KPNA6: variants seen among roughly 807,000 people sequenced by gnomAD.
KPNA6 encodes the protein karyopherin subunit alpha 6, also known as importin subunit alpha-7.
KPNA6 carries 9 observed loss-of-function variants against 72.0 expected under a neutral mutation model. The observed-to-expected ratio is 0.13, with a 90% confidence interval of 0.08 to 0.22. The LOEUF (loss-of-function observed/expected upper bound fraction) is 0.22. Among genes scored for constraint, KPNA6 ranks in the 10% least tolerant of loss-of-function variants. The probability of loss-of-function intolerance (pLI) is 1.00; values close to 1 mark genes in which losing one functional copy is unlikely to be tolerated. For missense variants in KPNA6, 374 were observed against 655.7 expected (o/e 0.57, Z 4.69); for synonymous variants, 219 against 242.1 (o/e 0.90, Z 0.89).
intron 1 of KPNA6, among the ~76,000 whole-genome samples, chr1:32,128,597 A>C (rs1272141046): frequency 6.6e-6 from 1 of 151,676 alleles, no homozygotes; most frequent in African/African-American, 2.4e-5. Flanking sequence ...AGCCCAGTTC[A>C]GTGAAGATGC....
At chr1:32,124,032 CAAAAAAAAAAA>C (rs771086945) in intron 1 of KPNA6, among the ~76,000 whole-genome samples, 2 of 43,126 alleles carry the variant, frequency 4.6e-5, no homozygotes, top group African/African-American at 1.8e-4. Flanking sequence ...GACTCTGTCT[CAAAAAAAAAAA>C]AAAAAAAAAA....
intron 1 of KPNA6, among the ~76,000 whole-genome samples, chr1:32,143,370 TA>T (rs931930874): frequency 2.2e-4 from 33 of 147,160 alleles, no homozygotes; most frequent in African/African-American, 4.2e-4. Flanking sequence ...CAATGCCGAT[TA>T]AAAAAAAAAA....
chr1:32,125,817 A>G (rs1040413588), intron 1 of KPNA6, among the ~76,000 whole-genome samples: 15 of 151,916 alleles, frequency 9.9e-5, no homozygotes, highest in Admixed American at 9.2e-4. Context: ...TAACACCTCC[A>G]GTGAGGTTTG....
intron 2 of KPNA6, among the ~76,000 whole-genome samples, chr1:32,156,463 AC>A (rs1642144731): frequency 6.6e-6 from 1 of 152,160 alleles, no homozygotes; most frequent in African/African-American, 2.4e-5. Flanking sequence ...AGCAATTGCC[AC>A]CTGATAACCA....
intron 4 of KPNA6, among the ~76,000 whole-genome samples, chr1:32,157,869 A>G (rs574542195): frequency 6.6e-6 from 1 of 152,314 alleles, no homozygotes; most frequent in African/African-American, 2.4e-5. Flanking sequence ...TAGGTACTTA[A>G]TAAAAAAATT....
At chr1:32,167,399 G>C in intron 12 of KPNA6, 103 bp downstream of exon 12, 1 of 1,320,742 alleles carries the variant, frequency 7.6e-7, no homozygotes, top group Non-Finnish European at 1.1e-6. Flanking sequence ...AGACAGGTCT[G>C]CCCCCTAGTC....
intron 1 of KPNA6, among the ~76,000 whole-genome samples, chr1:32,151,265 C>G (rs2124047931): frequency 6.6e-6 from 1 of 152,042 alleles, no homozygotes; most frequent in South Asian, 2.1e-4. Context: ...TAGTTTAATC[C>G]CACTACTAAG....
chr1:32,131,135 A>G (rs1641628783), intron 1 of KPNA6, among the ~76,000 whole-genome samples: 1 of 152,178 alleles, frequency 6.6e-6, no homozygotes, highest in African/African-American at 2.4e-5. Context: ...CTCTACTAAA[A>G]ATACAGAAAT....
intron 12 of KPNA6, among the ~76,000 whole-genome samples, chr1:32,168,942 A>G (rs764403666): frequency 6.6e-6 from 1 of 152,204 alleles, no homozygotes; most frequent in Non-Finnish European, 1.5e-5. Flanking sequence ...TATTGCAGCC[A>G]AGGAGACATT....
chr1:32,159,558 T>TTA (rs2124073001), intron 6 of KPNA6, 27 bp downstream of exon 6: 2 of 1,608,648 alleles, frequency 1.2e-6, no homozygotes, highest in Non-Finnish European at 1.7e-6. Context: ...GTGTGATTCT[T>TTA]TATAGTACCT....
intron 10 of KPNA6, among the ~76,000 whole-genome samples, chr1:32,164,676 G>T (rs1642299632): frequency 6.8e-6 from 1 of 147,180 alleles, no homozygotes; most frequent in Admixed American, 6.8e-5. Context: ...TATGCTTATT[G>T]GCCATCTGTG....
chr1:32,154,714 A>G lies in KPNA6; in HGVS notation c.131A>G (p.Glu44Gly). The G allele has an allele frequency of 6.2e-7, 1 of 1,614,058 alleles. No homozygotes were observed. Among genetic ancestry groups the G allele is most frequent in the Non-Finnish European group, 8.5e-7 (1 of 1,179,972 alleles). The change falls in exon 2 of 14, where the codon GAG becomes GGG. Residue 44 changes from glutamate to glycine, a missense_variant. Transcript: ENST00000373625. ...ATTCAGCTCCGGAAGCAGAAGCGAG[A>G]GCAACAAGTGAGTTAATGGGAGTAT... ...EGIQLRKQKR[E>G]QQLFKRRNVE...
chr1:32,167,363 A>G, intron 12 of KPNA6, 67 bp downstream of exon 12: 1 of 1,597,166 alleles, frequency 6.3e-7, no homozygotes. Flanking sequence ...CATGGTTTAC[A>G]GGTGACCTAT....
intron 1 of KPNA6, among the ~76,000 whole-genome samples, chr1:32,144,146 A>G (rs1641890934): frequency 6.6e-6 from 1 of 152,218 alleles, no homozygotes; most frequent in Admixed American, 6.5e-5. Flanking sequence ...ACATAACAAT[A>G]TGCCAGCATC....
In KPNA6 at chr1:32,154,565, G is replaced by T; in HGVS notation, c.5-23G>T. 1.9e-6 allele frequency: 3 copies of T among 1,608,248 alleles called. No homozygotes were observed. In the South Asian group the frequency reaches 3.3e-5, roughly 18 times the overall value. On this transcript the variant is annotated intron_variant, in intron 1 of 13. Coordinates refer to ENST00000373625, the MANE Select transcript of KPNA6 (RefSeq NM_012316.5). ...AATGCTGTCCTCTCAAGAGTTTTTG[G>T]CAGTGTGTATCTTTTCTTCTAGAGA... is the stretch of plus-strand genomic sequence containing the variant.
At chr1:32,132,571 GCCA>G (rs1020219335) in intron 1 of KPNA6, among the ~76,000 whole-genome samples, 12 of 151,874 alleles carry the variant, frequency 7.9e-5, no homozygotes, top group Non-Finnish European at 1.3e-4. Flanking sequence ...ACAGGCGTGA[GCCA>G]CCATTTCCAG....
intron 1 of KPNA6, among the ~76,000 whole-genome samples, chr1:32,120,804 G>A (rs1273399619): frequency 6.6e-6 from 1 of 151,644 alleles, no homozygotes; most frequent in East Asian, 1.9e-4. Context: ...CTGACCTCAG[G>A]TGATCCTCCC....
rs949711807 is a variant in KPNA6 at position 32,174,349 on chromosome 1, A to G, written c.*3455A>G. On this transcript the variant is annotated 3_prime_UTR_variant, in exon 14 of 14. Transcript: ENST00000373625. The stretch of plus-strand genomic sequence containing the variant: ...GTACTTAAATAAGGGAGAGGAAAAG[A>G]AGGTTCTCAGGCACAGACTTTCTAT... The G allele has an allele frequency of 1.3e-5, 2 of 152,248 alleles. No homozygotes were observed. Among genetic ancestry groups the G allele is most frequent in the African/African-American group, 2.4e-5 (1 of 41,448 alleles). The allele number at this position is 152,248 out of a possible 1,614,324, so 9.4% of individuals were successfully genotyped here.
chr1:32,145,324 A>G (rs1277789662), intron 1 of KPNA6, among the ~76,000 whole-genome samples: 4 of 144,926 alleles, frequency 2.8e-5, no homozygotes, highest in African/African-American at 7.7e-5. Context: ...TTTGATTTGT[A>G]TTTCTTTTTT....
Sources: allele counts gnomAD v4.1 joint callset (sites outside exome capture counted in the v4.1 genomes callset), GRCh38; gene constraint gnomAD v4.1.1; transcripts MANE v1.5; gene names NCBI Gene and HGNC (gene_info 2026-07-23, HGNC 2026-07-21).